Variants in PCNT observed in about 807,000 individuals in gnomAD.
The protein encoded by PCNT is kendrin.
A neutral mutation model predicts 380.4 loss-of-function variants in PCNT; 319 were observed. The observed-to-expected ratio is 0.84, with a 90% CI of 0.77 to 0.92. PCNT has a LOEUF of 0.92. Among genes scored for constraint, PCNT ranks in the 40% least tolerant of loss-of-function variants. The pLI is 0.00. For missense variants in PCNT, 4,400 were observed against 4,255.3 expected, an observed-to-expected ratio of 1.03 and a Z score of -0.95; for synonymous variants, 1,845 against 1,735.2, an observed-to-expected ratio of 1.06 and a Z score of -1.57.
chr21:46,351,504 C>T lies in PCNT; in HGVS notation c.1420C>T (p.Leu474Phe). ...AGAGATCAGGCGCTTGTGGTCCCAG[C>T]TTGATTCTGCCAGGACCAGTAGACA... is the stretch of plus-strand genomic sequence containing the variant. ...QEEIRRLWSQLDSARTSRQEL... is the reference protein window; with the variant it reads ...QEEIRRLWSQFDSARTSRQEL... The change falls in exon 9 of 47, where the codon CTT (leucine) becomes TTT (phenylalanine). Residue 474 changes from leucine (L) to phenylalanine (F), a missense_variant. Transcript: ENST00000359568. 2.5e-6 allele frequency: 4 copies of T among 1,611,712 alleles called. No individual in the cohort carries two copies. Among genetic ancestry groups the T allele is most frequent in the Middle Eastern group, 1.7e-4 (1 of 6,048 alleles).
At chr21:46,367,246 G>A (rs2084960858) in intron 15 of PCNT, 107 bp downstream of exon 15, 1 of 939,380 alleles carries the variant, frequency 1.1e-6, no homozygotes, top group African/African-American at 1.6e-5. Context: ...TGCCTGTGCG[G>A]GTGTCTGTGT....
chr21:46,342,156 G>C (rs551591358), intron 3 of PCNT, among the ~76,000 whole-genome samples: 2 of 152,070 alleles, frequency 1.3e-5, no homozygotes, highest in Non-Finnish European at 2.9e-5. Context: ...GGCCAGGCTG[G>C]AGTGCAATGG....
At chr21:46,358,632 T>G (rs1423512584) in intron 13 of PCNT, among the ~76,000 whole-genome samples, 2 of 151,116 alleles carry the variant, frequency 1.3e-5, no homozygotes, top group African/African-American at 4.9e-5. Flanking sequence ...TGTTTTGTTT[T>G]TTTTTTTTTT....
chr21:46,385,858 T>G lies in PCNT; in HGVS notation c.3339T>G (p.Ser1113Arg), dbSNP rs61735805. Residue 1113 changes from serine (S) to arginine (R), a missense_variant, in exon 17 of 47, where the codon AGT (serine) becomes AGG (arginine). Coordinates refer to ENST00000359568, the MANE Select transcript of PCNT (RefSeq NM_006031.6). ...TGAAAGACCAGGTTTTATCCTTAAG[T>G]CACGAGATAGAAGAGTGCCGCTCCG... ...QQLKDQVLSL[S>R]HEIEECRSEL... is the part of the protein sequence containing the mutation. 1.2e-6 allele frequency: 2 copies of G among 1,614,182 alleles called. No individual in the cohort carries two copies. Among genetic ancestry groups the G allele is most frequent in the Non-Finnish European group, 1.7e-6 (2 of 1,180,012 alleles).
chr21:46,385,207 T>A (rs1195113785), intron 16 of PCNT, among the ~76,000 whole-genome samples: 1 of 152,054 alleles, frequency 6.6e-6, no homozygotes. Context: ...ATTAAAAAAA[T>A]TAGCCGTGTG....
chr21:46,415,311 G>A (rs776336257), intron 29 of PCNT, among the ~76,000 whole-genome samples: 2 of 150,866 alleles, frequency 1.3e-5, no homozygotes, highest in Non-Finnish European at 2.9e-5. Flanking sequence ...AGAGCCCTTC[G>A]CATCTCCTGC....
intron 27 of PCNT, among the ~76,000 whole-genome samples, chr21:46,408,404 C>T (rs998102975): frequency 4.6e-5 from 7 of 152,170 alleles, no homozygotes; most frequent in Non-Finnish European, 7.3e-5. Flanking sequence ...TCACTTCTTT[C>T]GGTTCAGTAC....
chr21:46,401,662 G>T lies in PCNT; in HGVS notation c.4903G>T (p.Glu1635Ter). 6.2e-7 allele frequency: 1 copy of T among 1,614,086 alleles called. No individual in the cohort carries two copies. ...CPEPPSGSPP[E>*]GPEIQLEVTQ... ...CGAGCCTCCTTCGGGCAGCCCTCCTGAGGGTCCAGAAATACAGTTAGAGGT... is the reference window on the plus strand; with the variant it reads ...CGAGCCTCCTTCGGGCAGCCCTCCTTAGGGTCCAGAAATACAGTTAGAGGT... Residue 1635 changes from glutamate to a stop codon, truncating the protein, a stop_gained, in exon 26 of 47, where the codon GAG (glutamate) becomes TAG (stop). Coordinates refer to ENST00000359568, the MANE Select transcript of PCNT (RefSeq NM_006031.6). LOFTEE classifies it high-confidence loss of function.
At chr21:46,441,415 G>A (rs1002274556) in intron 43 of PCNT, among the ~76,000 whole-genome samples, 11 of 152,184 alleles carry the variant, frequency 7.2e-5, no homozygotes, top group African/African-American at 2.7e-4. Flanking sequence ...GGCTGTGCCT[G>A]CTCCCTGATG....
rs71318076 is a variant in PCNT, at chr21:46,417,184, C to CTTTTTT, written c.6921+365_6921+370dup. On this transcript the variant is annotated intron_variant, in intron 30 of 46. Transcript: ENST00000359568. ...TTAGATTTATTTTTAGGAATGCTTC[C>CTTTTTT]TTTTTTTTTTTTTTTTTTTTTTTTT... Among the ~76,000 whole-genome samples, 350 of 73,360 alleles carry CTTTTTT rather than the reference C, an allele frequency of 4.8e-3. 4 individuals are homozygous for CTTTTTT. The highest frequency in any genetic ancestry group is 0.015 in the Middle Eastern group (1 of 66). 48.1% of individuals were successfully genotyped at this position (73,360 alleles called of 152,430 possible). A position where few individuals can be genotyped will look rare whatever the true frequency, so the allele number is the denominator to read the frequency against.
intron 15 of PCNT, 79 bp from the exon 16 acceptor site, chr21:46,381,615 A>C: frequency 7.5e-7 from 1 of 1,332,024 alleles, no homozygotes; most frequent in East Asian, 2.3e-5. Context: ...TATCTGCTGA[A>C]TGTGCTGAAT....
At chr21:46,325,657 T>C (rs1046632211) in intron 1 of PCNT, among the ~76,000 whole-genome samples, 8 of 152,248 alleles carry the variant, frequency 5.3e-5, no homozygotes, top group Non-Finnish European at 1.0e-4. Context: ...GCCACAGTTG[T>C]CTTTTGAGGG....
intron 26 of PCNT, 51 bp downstream of exon 26, chr21:46,401,772 TG>T: frequency 6.4e-7 from 1 of 1,573,416 alleles, no homozygotes; most frequent in Non-Finnish European, 8.7e-7. Context: ...CAGTGTCCAG[TG>T]GGCTTCTCTG....
chr21:46,396,938 C>G (rs921010861), intron 21 of PCNT, among the ~76,000 whole-genome samples: 1 of 152,168 alleles, frequency 6.6e-6, no homozygotes, highest in African/African-American at 2.4e-5. Flanking sequence ...GGGCGTTTGC[C>G]TTTCCCCTAG....
Position 46,425,829 on chromosome 21 carries a change from A to G in PCNT, c.7180-2A>G. 6.2e-7 allele frequency: 1 copy of G among 1,613,486 alleles called. No individual in the cohort carries two copies. The highest frequency in any genetic ancestry group is 8.5e-7 in the Non-Finnish European group (1 of 1,179,986). ...CCCTTCTGACGCGCTTTCCCGCCAC[A>G]GGCTTTACTGCAGATGGTGCGTGAC... On this transcript the variant is annotated splice_acceptor_variant, in intron 32 of 46. Coordinates refer to ENST00000359568, the MANE Select transcript of PCNT (RefSeq NM_006031.6). LOFTEE classifies it high-confidence loss of function. This position sits in a 1 kb window ranked among gnomAD's most constrained non-coding sequence, Gnocchi z 4.2.
At chr21:46,367,641 A>G (rs2085006174) in intron 15 of PCNT, among the ~76,000 whole-genome samples, 1 of 152,110 alleles carries the variant, frequency 6.6e-6, no homozygotes, top group Admixed American at 6.6e-5. Context: ...TTGAAGGGTT[A>G]TTTTGATCGC....
At chr21:46,383,857 T>G (rs553892684) in intron 16 of PCNT, among the ~76,000 whole-genome samples, 1 of 144,222 alleles carries the variant, frequency 6.9e-6, no homozygotes, top group South Asian at 2.4e-4. Context: ...ATGTTGTATA[T>G]TCAGTGACGG....
At chr21:46,356,127 G>A (rs960275355) in intron 12 of PCNT, among the ~76,000 whole-genome samples, 40 of 152,232 alleles carry the variant, frequency 2.6e-4, no homozygotes, top group African/African-American at 9.6e-4. Context: ...CGGTCCCATG[G>A]CGCCGGACAG....
rs1318192432 is a variant in PCNT, at chr21:46,363,614, TGAG to T, written c.2293_2295del (p.Glu765del). 1 of 1,614,048 alleles carries T rather than the reference TGAG, an allele frequency of 6.2e-7. No homozygotes were observed. The highest frequency in any genetic ancestry group is 2.2e-5 in the East Asian group (1 of 44,866). On this transcript the variant is annotated inframe_deletion, in exon 14 of 47. Transcript: ENST00000359568. ...TGAAGGAGGAGCTACAGCGGGAAGC[TGAG>T]GAGAAGTTAACATTGATGCTACTTG...
Sources: gnomAD v4.1 joint callset for allele counts (sites outside exome capture counted in the v4.1 genomes callset) on GRCh38, gnomAD v4.1.1 for gene constraint, Gnocchi (gnomAD v3.1) non-coding constraint, MANE v1.5 for transcripts, NCBI Gene and HGNC (gene_info 2026-07-23, HGNC 2026-07-21) for gene names.